Variants in DNAH14 observed in about 807,000 individuals in gnomAD.
DNAH14 encodes dynein axonemal heavy chain 14.
DNAH14 carries 478 observed loss-of-function variants against 520.9 expected under a neutral mutation model. The ratio of observed to expected loss-of-function variants is 0.92; its 90% CI spans 0.85 to 0.99. The LOEUF is 0.99. Among genes scored for constraint, DNAH14 ranks in the 50% least tolerant of loss-of-function variants. DNAH14 has a pLI of 0.00. For missense variants in DNAH14, 4,831 were observed against 5,234.5 expected (o/e 0.92, Z 2.38); for synonymous variants, 1,581 against 1,757.2 (o/e 0.90, Z 2.51).
chr1:225,285,199 T>G (rs1299791792), intron 54 of DNAH14, among the ~76,000 whole-genome samples: 1 of 152,216 alleles, frequency 6.6e-6, no homozygotes, highest in Admixed American at 6.5e-5. Flanking sequence ...AGCCCATCCT[T>G]ATTCACATTC....
At chr1:225,014,656 C>T (rs1004885081) in intron 10 of DNAH14, among the ~76,000 whole-genome samples, 8 of 152,098 alleles carry the variant, frequency 5.3e-5, no homozygotes, top group African/African-American at 1.9e-4. Context: ...CCCCTGTGCT[C>T]AGATAAGATA....
intron 42 of DNAH14, among the ~76,000 whole-genome samples, chr1:225,240,373 G>C (rs1016247493): frequency 6.6e-5 from 10 of 150,886 alleles, no homozygotes; most frequent in African/African-American, 2.4e-4. Context: ...GACTACACAA[G>C]TTTTATACAT....
chr1:225,389,980 C>T (rs906848868), intron 83 of DNAH14, 107 bp downstream of exon 83: 36 of 990,904 alleles, frequency 3.6e-5, no homozygotes, highest in South Asian at 4.9e-5. Flanking sequence ...ACAACACCTG[C>T]GCCTCCACAG....
chr1:225,337,313 A>G lies in DNAH14; in HGVS notation c.10128A>G (p.Val3376=). The part of the protein sequence containing the change: ...NQGLPHGQYS[V]ENAILIKNGQ... ...GACTGCCTCATGGTCAGTATTCAGTAGAGAATGCCATCTTGATCAAGAATG... is the reference window on the plus strand; with the variant it reads ...GACTGCCTCATGGTCAGTATTCAGTGGAGAATGCCATCTTGATCAAGAATG... The change falls in exon 67 of 86, where the codon GTA becomes GTG. Residue 3376 remains valine (V), a synonymous_variant. Transcript: ENST00000682510. 6.4e-7 allele frequency: 1 copy of G among 1,551,914 alleles called. No individual in the cohort carries two copies. The highest frequency in any genetic ancestry group is 8.7e-7 in the Non-Finnish European group (1 of 1,147,018).
At chr1:225,184,810 C>A (rs931112051) in intron 36 of DNAH14, among the ~76,000 whole-genome samples, 2 of 151,742 alleles carry the variant, frequency 1.3e-5, no homozygotes, top group African/African-American at 4.8e-5. Flanking sequence ...AGAAGCCATA[C>A]TGAATAGGTG....
chr1:225,032,672 G>A (rs1437974359), intron 11 of DNAH14, among the ~76,000 whole-genome samples: 4 of 152,052 alleles, frequency 2.6e-5, no homozygotes. Context: ...TTTCCACAAT[G>A]GTTGAACTAA....
At chr1:225,133,042 C>T (rs761359851) in intron 27 of DNAH14, among the ~76,000 whole-genome samples, 12 of 152,012 alleles carry the variant, frequency 7.9e-5, no homozygotes, top group Non-Finnish European at 1.6e-4. Context: ...AGTATCTGTT[C>T]ATGTCCTTTG....
chr1:225,286,994 T>G (rs545989450), intron 54 of DNAH14, among the ~76,000 whole-genome samples: 1 of 152,310 alleles, frequency 6.6e-6, no homozygotes, highest in East Asian at 1.9e-4. Flanking sequence ...GGCAACATAT[T>G]ATATGATTCC....
chr1:225,127,537 C>CT (rs536076172), intron 27 of DNAH14, among the ~76,000 whole-genome samples: 18,921 of 151,756 alleles, frequency 0.12, 3,630 homozygotes, highest in African/African-American at 0.42. Flanking sequence ...CAACCCCTGC[C>CT]TTTTTTTCTT....
chr1:225,353,964 T>G lies in DNAH14; in HGVS notation c.11619+76T>G, dbSNP rs79984676. 0.053 allele frequency: 46,580 copies of G among 880,886 alleles called. 1,450 individuals are homozygous for G. The highest frequency in any genetic ancestry group is 0.073 in the South Asian group (4,540 of 62,380). The allele number at this position is 880,886 out of a possible 1,614,324, so 54.6% of individuals were successfully genotyped here. ...TATTAGTAACTTAAACCCTTCAAAATTAAAATTTTACAAGCAAAGTGTATT... is the reference window on the plus strand; with the variant it reads ...TATTAGTAACTTAAACCCTTCAAAAGTAAAATTTTACAAGCAAAGTGTATT... On this transcript the variant is annotated intron_variant, in intron 73 of 85. Transcript: ENST00000682510.
chr1:225,115,164 T>C (rs1471418946), intron 23 of DNAH14, among the ~76,000 whole-genome samples: 1 of 152,066 alleles, frequency 6.6e-6, no homozygotes, highest in Non-Finnish European at 1.5e-5. Flanking sequence ...AACAATGGAG[T>C]CTCTCTCTGT....
At chr1:225,199,646 G>A (rs990102138) in intron 38 of DNAH14, among the ~76,000 whole-genome samples, 1 of 152,124 alleles carries the variant, frequency 6.6e-6, no homozygotes, top group South Asian at 2.1e-4. Flanking sequence ...GCATGGTTTT[G>A]AAGGTTCCTT....
At chr1:225,207,775 A>C (rs2087781849) in intron 41 of DNAH14, among the ~76,000 whole-genome samples, 1 of 152,164 alleles carries the variant, frequency 6.6e-6, no homozygotes, top group African/African-American at 2.4e-5. Context: ...GGATTCATCA[A>C]ACCAATATAG....
chr1:225,195,821 T>C lies in DNAH14; in HGVS notation c.5886+2910T>C, dbSNP rs556357110. On this transcript the variant is annotated intron_variant, in intron 38 of 85. Coordinates refer to ENST00000682510, the MANE Select transcript of DNAH14 (RefSeq NM_001367479.1). ...TATAACAATGATAGGCACTTTTTTT[T>C]CTCATCAGGTTTTCAAACCTTAACA... Among the ~76,000 whole-genome samples the C allele has an allele frequency of 3.3e-5, 5 of 152,174 alleles. No homozygotes were observed. In the South Asian group the frequency reaches 1.0e-3, roughly 32 times the overall value.
chr1:225,323,550 ACCTCCTG>A (rs2094594486), intron 62 of DNAH14, among the ~76,000 whole-genome samples: 1 of 151,334 alleles, frequency 6.6e-6, no homozygotes, highest in South Asian at 2.1e-4. Flanking sequence ...TGCAACCTCC[ACCTCCTG>A]GGTTCAAGCG....
chr1:225,105,815 A>C lies in DNAH14; in HGVS notation c.3867+4931A>C, dbSNP rs556556697. On this transcript the variant is annotated intron_variant, in intron 23 of 85. Transcript: ENST00000682510. ...GAGATGGGTTTCCTGAATACAGCACACTGATGGTTCTTGACTCTTTATCCA... is the reference window on the plus strand; with the variant it reads ...GAGATGGGTTTCCTGAATACAGCACCCTGATGGTTCTTGACTCTTTATCCA... Among the ~76,000 whole-genome samples the C allele has an allele frequency of 7.4e-4, 113 of 152,036 alleles. 1 individual carries two copies. The highest frequency in any genetic ancestry group is 2.7e-3 in the African/African-American group (110 of 41,458).
At chr1:225,249,108 A>T (rs1340065796) in intron 43 of DNAH14, among the ~76,000 whole-genome samples, 1 of 152,218 alleles carries the variant, frequency 6.6e-6, no homozygotes, top group Non-Finnish European at 1.5e-5. Flanking sequence ...CGTAGAGCCA[A>T]TCCTCAGTCC....
intron 1 of DNAH14, among the ~76,000 whole-genome samples, chr1:224,941,449 T>A (rs1348662977): frequency 6.6e-6 from 1 of 152,160 alleles, no homozygotes; most frequent in Non-Finnish European, 1.5e-5. Context: ...ATTGCAAAAA[T>A]TTTCTCTCAT....
rs929847655 is a variant in DNAH14, at chr1:225,153,826, G to C, written c.5273G>C (p.Cys1758Ser). Reference protein sequence around the residue: ...MAGTKKREFKCDTSDSLSEAD... With the variant: ...MAGTKKREFKSDTSDSLSEAD... The stretch of plus-strand genomic sequence containing the variant: ...GGAACGAAGAAACGGGAGTTTAAAT[G>C]GTCAGTTGAATTTTGAATTGTTAGG... The change falls in exon 34 of 86, where the codon TGT (cysteine) becomes TCT (serine). Residue 1758 changes from cysteine to serine, a missense_variant and splice_region_variant. By Grantham distance (112) the Cys-to-Ser change is moderately radical. Transcript: ENST00000682510. 1.3e-6 allele frequency: 2 copies of C among 1,548,220 alleles called. No individual in the cohort carries two copies. The highest frequency in any genetic ancestry group is 2.7e-5 in the African/African-American group (2 of 72,908).
Sources: allele counts gnomAD v4.1 joint callset (sites outside exome capture counted in the v4.1 genomes callset), GRCh38; gene constraint gnomAD v4.1.1; transcripts MANE v1.5; gene names NCBI Gene and HGNC (gene_info 2026-07-23, HGNC 2026-07-21).